Variants in RABGEF1 observed in about 807,000 individuals in gnomAD.
The protein encoded by RABGEF1 is RAB guanine nucleotide exchange factor 1, also known as rab5 GDP/GTP exchange factor.
RABGEF1 carries 26 observed loss-of-function variants against 57.3 expected under a neutral mutation model. The ratio of observed to expected loss-of-function variants is 0.45; its 90% CI spans 0.33 to 0.63. RABGEF1 has a LOEUF of 0.63. Among genes scored for constraint, RABGEF1 ranks in the 20% least tolerant of loss-of-function variants. The probability of loss-of-function intolerance (pLI) is 0.02; values close to 1 mark genes in which losing one functional copy is unlikely to be tolerated. For synonymous variants in RABGEF1, 185 were observed against 210.7 expected, an observed-to-expected ratio of 0.88 and a Z score of 1.06; for missense variants, 464 against 607.6, an observed-to-expected ratio of 0.76 and a Z score of 2.48.
At chr7:66,696,946 G>T (rs563875964) in intron 1 of RABGEF1, among the ~76,000 whole-genome samples, 4 of 152,278 alleles carry the variant, frequency 2.6e-5, no homozygotes, top group African/African-American at 9.6e-5. Context: ...CTGGCCATGG[G>T]GGATGGGGAG....
chr7:66,704,001 T>A (rs916686187), intron 1 of RABGEF1, among the ~76,000 whole-genome samples: 5 of 152,258 alleles, frequency 3.3e-5, no homozygotes, highest in Non-Finnish European at 4.4e-5. Context: ...ACACAAGTCT[T>A]GCACCTCCTT....
chr7:66,679,441 T>C (rs542485374), upstream of RABGEF1, among the ~76,000 whole-genome samples: 210 of 152,260 alleles, frequency 1.4e-3, no homozygotes, highest in Middle Eastern at 6.8e-3. Context: ...CCAGAGTAGC[T>C]GGGACTACAG....
chr7:66,775,588 T>C (rs1808328845), intron 3 of RABGEF1, among the ~76,000 whole-genome samples, 195 bp downstream of exon 3: 1 of 152,182 alleles, frequency 6.6e-6, no homozygotes, highest in Non-Finnish European at 1.5e-5. Context: ...ACATTGTGTT[T>C]TAGAGAAATT....
At chr7:66,772,955 G>T (rs1016605169) in intron 2 of RABGEF1, among the ~76,000 whole-genome samples, 1 of 151,836 alleles carries the variant, frequency 6.6e-6, no homozygotes, top group African/African-American at 2.4e-5. Flanking sequence ...GGGATGGCTA[G>T]TGAGCATAGG....
Position 66,731,089 on chromosome 7 carries a change from C to A in RABGEF1, c.-814-8907C>A, listed in dbSNP as rs544797030. Among the ~76,000 whole-genome samples the A allele has an allele frequency of 3.3e-5, 5 of 152,300 alleles. No homozygotes were observed. In the South Asian group the frequency reaches 1.0e-3, roughly 32 times the overall value. On this transcript the variant is annotated intron_variant and NMD_transcript_variant, in intron 2 of 9. Transcript: ENST00000607882. ...GTGTACCACATTTCAAGGGGGCACA[C>A]AGGGACACTGAGGCCCAGCCCCTGC...
At chr7:66,683,949 C>G (rs1790189595) in intron 1 of RABGEF1, among the ~76,000 whole-genome samples, 1 of 152,122 alleles carries the variant, frequency 6.6e-6, no homozygotes, top group Admixed American at 6.6e-5. Context: ...CTGCGTTGCC[C>G]ACGCTGGTCT....
intron 3 of RABGEF1, among the ~76,000 whole-genome samples, chr7:66,777,859 ATTTTT>A (rs2129129036): frequency 6.6e-6 from 1 of 152,240 alleles, no homozygotes; most frequent in African/African-American, 2.4e-5. Context: ...ATGCAGAATG[ATTTTT>A]ACCTTTGTTC....
intron 2 of RABGEF1, among the ~76,000 whole-genome samples, chr7:66,732,805 T>C (rs189924687): frequency 8.3e-4 from 126 of 152,206 alleles, no homozygotes; most frequent in Middle Eastern, 3.4e-3. Flanking sequence ...CTCTCGCTTT[T>C]GCTCTCGCTC....
chr7:66,807,314 C>T (rs776367105), intron 8 of RABGEF1, among the ~76,000 whole-genome samples: 7 of 152,228 alleles, frequency 4.6e-5, no homozygotes, highest in South Asian at 4.1e-4. Flanking sequence ...ACGAACCCCA[C>T]GGGCACTCAC....
At chr7:66,745,500 C>T (rs1342656977) in intron 1 of RABGEF1, among the ~76,000 whole-genome samples, 5 of 152,124 alleles carry the variant, frequency 3.3e-5, no homozygotes, top group Non-Finnish European at 5.9e-5. Context: ...GGTGCGGTGG[C>T]TCACACCTGT....
chr7:66,769,382 G>A (rs572864676), intron 1 of RABGEF1, among the ~76,000 whole-genome samples: 4 of 152,168 alleles, frequency 2.6e-5, no homozygotes, highest in African/African-American at 9.7e-5. Flanking sequence ...GCTGTCACCC[G>A]TGTGTCTGCA....
At chr7:66,750,313 A>G (rs3823607) in intron 1 of RABGEF1, among the ~76,000 whole-genome samples, 18,210 of 152,218 alleles carry the variant, frequency 0.12, 1,266 homozygotes, top group East Asian at 0.2. Context: ...TGCTTTTTAT[A>G]AAACATTGTT....
At chr7:66,658,902 A>AT in the RABGEF1 span, among the ~76,000 whole-genome samples, 1 of 151,776 alleles carries the variant, frequency 6.6e-6, no homozygotes, top group South Asian at 2.1e-4. Context: ...CGCCCGGCTA[A>AT]TTTTTTGTAT....
chr7:66,670,700 GC>G, the RABGEF1 span, among the ~76,000 whole-genome samples: 1 of 151,920 alleles, frequency 6.6e-6, no homozygotes, highest in Admixed American at 6.6e-5. Flanking sequence ...ACAAAAGTTA[GC>G]TGGGTGTGGT....
intron 1 of RABGEF1, among the ~76,000 whole-genome samples, chr7:66,707,141 A>G (rs2117335969): frequency 6.6e-6 from 1 of 152,326 alleles, no homozygotes; most frequent in South Asian, 2.1e-4. Flanking sequence ...TGAGTTTTCC[A>G]AATATCTTTG....
At chr7:66,693,178 G>A (rs1379885617) in intron 1 of RABGEF1, among the ~76,000 whole-genome samples, 1 of 152,214 alleles carries the variant, frequency 6.6e-6, no homozygotes, top group Non-Finnish European at 1.5e-5. Flanking sequence ...CAGGGTATTT[G>A]GAACATCTCA....
intron 1 of RABGEF1, among the ~76,000 whole-genome samples, chr7:66,760,493 G>A (rs1207298064): frequency 6.7e-6 from 1 of 149,060 alleles, no homozygotes; most frequent in African/African-American, 2.5e-5. Flanking sequence ...GCCTAGGCTG[G>A]AGTGCAATGG....
At chr7:66,662,923 G>C in the RABGEF1 span, among the ~76,000 whole-genome samples, 6 of 151,834 alleles carry the variant, frequency 4.0e-5, no homozygotes, top group South Asian at 1.2e-3. Flanking sequence ...TGTGTTTGCA[G>C]GCATGCATGT....
At chr7:66,704,216 C>T (rs1793685432) in intron 1 of RABGEF1, among the ~76,000 whole-genome samples, 1 of 152,206 alleles carries the variant, frequency 6.6e-6, no homozygotes, top group Non-Finnish European at 1.5e-5. Context: ...ACTGTAGGCA[C>T]TAAGTGAAAA....
Sources: gnomAD v4.1 joint callset for allele counts (sites outside exome capture counted in the v4.1 genomes callset) on GRCh38, gnomAD v4.1.1 for gene constraint, MANE v1.5 for transcripts, NCBI Gene and HGNC (gene_info 2026-07-23, HGNC 2026-07-21) for gene names.